Variants in PDK1 observed in about 807,000 individuals in gnomAD.
PDK1 encodes [Pyruvate dehydrogenase (acetyl-transferring)] kinase isozyme 1, mitochondrial.
A neutral mutation model predicts 54.2 loss-of-function variants in PDK1; 39 were observed. The ratio of observed to expected loss-of-function variants is 0.72; its 90% CI spans 0.56 to 0.94. PDK1 has a LOEUF of 0.94. Ranked by LOEUF, PDK1 falls within the 40% of genes least tolerant of loss-of-function variation. The pLI, the probability that PDK1 is intolerant of heterozygous loss-of-function variation, is 0.00. For missense variants in PDK1, 552 were observed against 566.0 expected (o/e 0.98, Z 0.25); for synonymous variants, 221 against 207.1 (o/e 1.07, Z -0.58).
chr2:172,648,642 A>T, the PDK1 span, among the ~76,000 whole-genome samples: 4 of 152,140 alleles, frequency 2.6e-5, no homozygotes, highest in East Asian at 1.9e-4. Context: ...CCTAATACTG[A>T]GCTTTTCCAA....
At chr2:172,584,359 C>T (rs563866891) in intron 8 of PDK1, among the ~76,000 whole-genome samples, 1 of 149,276 alleles carries the variant, frequency 6.7e-6, no homozygotes, top group Admixed American at 6.8e-5. Flanking sequence ...ATTATAAATG[C>T]TTCTTTGTAA....
At chr2:172,657,913 T>C in the PDK1 span, among the ~76,000 whole-genome samples, 1 of 152,168 alleles carries the variant, frequency 6.6e-6, no homozygotes, top group African/African-American at 2.4e-5. Context: ...GGCATCTTCT[T>C]CTGGTGAGAC....
chr2:172,676,169 C>G, the PDK1 span, among the ~76,000 whole-genome samples: 1 of 152,024 alleles, frequency 6.6e-6, no homozygotes, highest in African/African-American at 2.4e-5. Context: ...GGGAGATGTA[C>G]AAGGAGATTA....
At chr2:172,562,723 A>T in intron 3 of PDK1, 1 of 1,387,416 alleles carries the variant, frequency 7.2e-7, no homozygotes, top group Non-Finnish European at 1.0e-6. Context: ...ACTAATTAAA[A>T]CATTTTTTAA....
intron 8 of PDK1, among the ~76,000 whole-genome samples, chr2:172,575,355 T>C (rs987162429): frequency 9.8e-5 from 15 of 152,302 alleles, no homozygotes; most frequent in African/African-American, 2.6e-4. Context: ...AATTTCCCTC[T>C]CTTTCTACAT....
At chr2:172,693,388 A>C in the PDK1 span, among the ~76,000 whole-genome samples, 4 of 152,194 alleles carry the variant, frequency 2.6e-5, no homozygotes, top group Admixed American at 6.5e-5. Flanking sequence ...TTTGCCATTT[A>C]CTGGGGGGTG....
the PDK1 span, among the ~76,000 whole-genome samples, chr2:172,651,975 A>G: frequency 1.3e-5 from 2 of 152,252 alleles, no homozygotes; most frequent in Non-Finnish European, 2.9e-5. Flanking sequence ...TTATGAGGCC[A>G]GAAACATCCT....
intron 9 of PDK1, among the ~76,000 whole-genome samples, chr2:172,588,752 C>T (rs551791957): frequency 1.7e-4 from 26 of 152,290 alleles, no homozygotes; most frequent in African/African-American, 5.5e-4. Context: ...TACCTGGTTA[C>T]GGAGGGCTTC....
the PDK1 span, among the ~76,000 whole-genome samples, chr2:172,668,871 G>A: frequency 2.0e-4 from 12 of 61,220 alleles, no homozygotes; most frequent in Admixed American, 3.7e-4. Context: ...ATGTATGTAT[G>A]TACACACACA....
chr2:172,563,199 GA>G (rs1374687040), intron 3 of PDK1, among the ~76,000 whole-genome samples: 2 of 152,128 alleles, frequency 1.3e-5, no homozygotes, highest in African/African-American at 4.8e-5. Context: ...TTATGTTATA[GA>G]GCCTTCTGAA....
chr2:172,709,393 C>T, the PDK1 span, among the ~76,000 whole-genome samples: 1 of 152,144 alleles, frequency 6.6e-6, no homozygotes, highest in African/African-American at 2.4e-5. Context: ...GTGAGTCCAC[C>T]TACCAAATGA....
intron 5 of PDK1, among the ~76,000 whole-genome samples, chr2:172,566,326 G>A (rs1342197122): frequency 1.3e-5 from 2 of 152,118 alleles, no homozygotes; most frequent in Admixed American, 6.6e-5. Context: ...AGGCTGAAGC[G>A]GGTGGATCAC....
the PDK1 span, among the ~76,000 whole-genome samples, chr2:172,722,399 T>C: frequency 1.3e-5 from 2 of 152,242 alleles, no homozygotes; most frequent in Non-Finnish European, 2.9e-5. Context: ...TATGAGATTT[T>C]ACCAAGCTTG....
chr2:172,555,922 G>A (rs947788978), upstream of PDK1: 1 of 370,192 alleles, frequency 2.7e-6, no homozygotes, highest in Non-Finnish European at 4.8e-6. Context: ...GCGGGACTCC[G>A]GCGAGGGGGC....
At chr2:172,667,028 T>A in the PDK1 span, among the ~76,000 whole-genome samples, 174 of 152,206 alleles carry the variant, frequency 1.1e-3, 1 homozygote, top group Non-Finnish European at 1.4e-3. Flanking sequence ...CGTGGATATA[T>A]TATGTAGTAG....
the PDK1 span, among the ~76,000 whole-genome samples, chr2:172,656,234 C>T: frequency 6.6e-6 from 1 of 152,136 alleles, no homozygotes; most frequent in Non-Finnish European, 1.5e-5. Flanking sequence ...ATGATAGTGG[C>T]GGAATCCCAC....
At chr2:172,643,038 A>G in the PDK1 span, among the ~76,000 whole-genome samples, 6 of 152,344 alleles carry the variant, frequency 3.9e-5, no homozygotes, top group East Asian at 9.7e-4. Flanking sequence ...AAATTTGCCT[A>G]TTCAAGAGGA....
At chr2:172,675,096 CTT>C in the PDK1 span, among the ~76,000 whole-genome samples, 1 of 152,318 alleles carries the variant, frequency 6.6e-6, no homozygotes, top group Non-Finnish European at 1.5e-5. Context: ...AGATGGCAAA[CTT>C]GATTGATAAA....
chr2:172,556,217 G>T lies in PDK1; in HGVS notation c.67G>T (p.Gly23Cys). ...CCCGGGCCCGGGGCTGCGCGCCGCC[G>T]GCTTCAGCCGCAGCTTCAGCTCGGA... ...AGPGPGLRAA[G>C]FSRSFSSDSG... The change falls in exon 1 of 11, where the codon GGC becomes TGC. Residue 23 changes from glycine to cysteine, a missense_variant. Coordinates refer to ENST00000282077, the MANE Select transcript of PDK1 (RefSeq NM_002610.5). 7.0e-7 allele frequency: 1 copy of T among 1,425,132 alleles called. No individual in the cohort carries two copies. Among genetic ancestry groups the T allele is most frequent in the Non-Finnish European group, 9.1e-7 (1 of 1,097,052 alleles). The allele number at this position is 1,425,132 out of a possible 1,614,324, so 88.3% of individuals were successfully genotyped here.
Sources: gnomAD v4.1 joint callset for allele counts (sites outside exome capture counted in the v4.1 genomes callset) on GRCh38, gnomAD v4.1.1 for gene constraint, MANE v1.5 for transcripts, NCBI Gene and HGNC (gene_info 2026-07-23, HGNC 2026-07-21) for gene names.